The following SYT14 variants were observed in gnomAD, a reference collection of about 807,000 sequenced individuals.
SYT14 encodes the protein synaptotagmin 14.
SYT14 carries 32 observed loss-of-function variants against 74.2 expected under a neutral mutation model. The ratio of observed to expected loss-of-function variants is 0.43; its 90% CI spans 0.33 to 0.58. The LOEUF (loss-of-function observed/expected upper bound fraction) is 0.58, where lower values mean the gene tolerates loss of function less well. Among genes scored for constraint, SYT14 ranks in the 20% least tolerant of loss-of-function variants. The pLI, the probability that SYT14 is intolerant of heterozygous loss-of-function variation, is 0.05. For missense variants in SYT14, 791 were observed against 981.8 expected (o/e 0.81, Z 2.60); for synonymous variants, 298 against 337.7 (o/e 0.88, Z 1.29).
intron 2 of SYT14, among the ~76,000 whole-genome samples, chr1:209,979,402 A>G (rs2079438096): frequency 6.6e-6 from 1 of 151,726 alleles, no homozygotes; most frequent in South Asian, 2.1e-4. Context: ...GTTGTTATGG[A>G]TGAGATGGTT....
chr1:210,076,540 A>G (rs12061969), intron 5 of SYT14, among the ~76,000 whole-genome samples: 201 of 152,314 alleles, frequency 1.3e-3, no homozygotes, highest in African/African-American at 4.5e-3. Context: ...AGGTGGCTGT[A>G]TTAGTCCATT....
In SYT14 at chr1:210,149,982, T is replaced by C. The variant is rs148369640; in HGVS notation, c.2035-5739T>C. ...CTGCCTAGCATTCATATCTTTCTTATGCACACAGTACCCAGATTTTGGTTG... is the reference window on the plus strand; with the variant it reads ...CTGCCTAGCATTCATATCTTTCTTACGCACACAGTACCCAGATTTTGGTTG... On this transcript the variant is annotated intron_variant, in intron 7 of 9. Transcript: ENST00000637265. Among the ~76,000 whole-genome samples the C allele has an allele frequency of 2.9e-3, 436 of 152,312 alleles. 2 individuals carry two copies. Among genetic ancestry groups the C allele is most frequent in the African/African-American group, 9.9e-3 (411 of 41,554 alleles).
At chr1:210,029,862 T>C (rs964768548) in intron 5 of SYT14, among the ~76,000 whole-genome samples, 10 of 152,222 alleles carry the variant, frequency 6.6e-5, no homozygotes, top group African/African-American at 2.4e-4. Flanking sequence ...CATTAAGTTT[T>C]CTAAGCATCA....
chr1:210,103,064 A>G (rs1298721042), intron 7 of SYT14, among the ~76,000 whole-genome samples: 2 of 152,140 alleles, frequency 1.3e-5, no homozygotes, highest in African/African-American at 4.8e-5. Context: ...CAGCCAAAGA[A>G]CTTGCAAACT....
In SYT14 at chr1:210,103,859, C is replaced by A. The variant is rs74363768; in HGVS notation, c.2034+3398C>A. ...GTGAATTTTAGATGAGTTTTGTATG[C>A]GTGATATGACATTTTGTGGCAGACA... On this transcript the variant is annotated intron_variant, in intron 7 of 9. Transcript: ENST00000637265. Among the ~76,000 whole-genome samples, 803 of 152,164 alleles carry A rather than the reference C, an allele frequency of 5.3e-3. 11 individuals carry two copies. The highest frequency in any genetic ancestry group is 0.019 in the African/African-American group (779 of 41,512).
intron 7 of SYT14, among the ~76,000 whole-genome samples, chr1:210,143,573 C>T (rs763127078): frequency 9.2e-5 from 14 of 151,746 alleles, no homozygotes; most frequent in Non-Finnish European, 1.5e-4. Context: ...TATTACTGTC[C>T]ACCAGACTAC....
intron 5 of SYT14, among the ~76,000 whole-genome samples, chr1:210,059,451 T>TATATATATAGAGAGAGAG (rs377050610): frequency 1.1e-3 from 77 of 69,896 alleles, no homozygotes; most frequent in African/African-American, 2.4e-3. Context: ...TATATATATA[T>TATATATATAGAGAGAGAG]AGAGAGAGAG....
intron 5 of SYT14, among the ~76,000 whole-genome samples, chr1:210,089,727 T>C (rs2081823141): frequency 6.6e-6 from 1 of 152,234 alleles, no homozygotes; most frequent in Non-Finnish European, 1.5e-5. Context: ...AGTGGTCATG[T>C]TACCAGTGGA....
At position 210,070,295 on chromosome 1, in the gene SYT14, G is replaced by T. The variant is rs537286649; in HGVS notation, c.1313-24027G>T. On this transcript the variant is annotated intron_variant, in intron 5 of 9. Transcript: ENST00000637265. ...AGTATCTAGACTTTCAAGAAATGAG[G>T]TTCTCTAGTTCCCTTTTATAATCCA... 2.0e-5 allele frequency among the ~76,000 whole-genome samples: 3 copies of T among 152,080 alleles called. No individual in the cohort carries two copies. In the East Asian group the frequency reaches 5.8e-4, roughly 29 times the overall value.
intron 5 of SYT14, among the ~76,000 whole-genome samples, chr1:210,023,559 G>T (rs1042857322): frequency 1.3e-5 from 2 of 151,966 alleles, no homozygotes; most frequent in African/African-American, 4.8e-5. Flanking sequence ...GGCCAGGCTG[G>T]TCTCGAACTT....
intron 5 of SYT14, among the ~76,000 whole-genome samples, chr1:210,067,296 T>G (rs992099150): frequency 1.3e-4 from 20 of 152,026 alleles, no homozygotes; most frequent in African/African-American, 4.8e-4. Context: ...TGCAATTCCG[T>G]ATGGATTTTA....
chr1:210,139,943 C>A (rs1363210758), intron 7 of SYT14, among the ~76,000 whole-genome samples: 1 of 152,080 alleles, frequency 6.6e-6, no homozygotes, highest in Non-Finnish European at 1.5e-5. Context: ...CATTTGTGTA[C>A]AAGTTGTTGT....
At chr1:210,078,127 G>A (rs1392889868) in intron 5 of SYT14, among the ~76,000 whole-genome samples, 3 of 151,782 alleles carry the variant, frequency 2.0e-5, no homozygotes, top group African/African-American at 4.8e-5. Flanking sequence ...TGGCTAACAC[G>A]GTGAAACCCC....
At chr1:209,949,483 G>C (rs2078876978) in intron 1 of SYT14, among the ~76,000 whole-genome samples, 7 of 150,890 alleles carry the variant, frequency 4.6e-5, no homozygotes, top group Admixed American at 4.6e-4. Context: ...TGAGGCAGGA[G>C]AATTGCTTGA....
intron 8 of SYT14, among the ~76,000 whole-genome samples, chr1:210,156,311 C>T (rs916485652): frequency 6.6e-6 from 1 of 152,070 alleles, no homozygotes; most frequent in Non-Finnish European, 1.5e-5. Context: ...ATTTTATTTA[C>T]TTCTATATTT....
intron 7 of SYT14, among the ~76,000 whole-genome samples, chr1:210,117,897 A>C (rs958940051): frequency 1.3e-5 from 2 of 152,230 alleles, no homozygotes; most frequent in Non-Finnish European, 2.9e-5. Flanking sequence ...TAGAGAATAA[A>C]GAACATCAAG....
intron 2 of SYT14, among the ~76,000 whole-genome samples, chr1:209,983,323 G>A (rs2079520433): frequency 6.6e-6 from 1 of 151,782 alleles, no homozygotes; most frequent in Non-Finnish European, 1.5e-5. Flanking sequence ...TCTCCTTTTG[G>A]TTCTCCTATG....
exon 10 of SYT14, chr1:210,169,813 A>C (rs1299023967): frequency 2.0e-5 from 3 of 152,162 alleles, no homozygotes; most frequent in Non-Finnish European, 4.4e-5. Context: ...AAAACTCATG[A>C]GGTTCCTCAC....
At chr1:209,980,438 G>A (rs2079462501) in intron 2 of SYT14, among the ~76,000 whole-genome samples, 2 of 152,118 alleles carry the variant, frequency 1.3e-5, no homozygotes, top group African/African-American at 4.8e-5. Context: ...CTGCACAGAA[G>A]CTCTTTAGTT....
Sources: allele counts gnomAD v4.1 joint callset (sites outside exome capture counted in the v4.1 genomes callset), GRCh38; gene constraint gnomAD v4.1.1; transcripts MANE v1.5; gene names NCBI Gene and HGNC (gene_info 2026-07-23, HGNC 2026-07-21).